The following NSD2 variants were observed in gnomAD, a reference collection of about 807,000 sequenced individuals.
NSD2 encodes the protein histone-lysine N-methyltransferase NSD2.
In NSD2, 12 loss-of-function variants were observed where a neutral mutation model predicts 139.0. That is an observed-to-expected ratio of 0.09 (90% confidence interval 0.06 to 0.14). NSD2 has a LOEUF of 0.14. NSD2 is among the 10% of genes least tolerant of loss of function. The probability of loss-of-function intolerance (pLI) is 1.00; values close to 1 mark genes in which losing one functional copy is unlikely to be tolerated. For synonymous variants in NSD2, 669 were observed against 648.7 expected (o/e 1.03, Z -0.48); for missense variants, 1,155 against 1,745.0 (o/e 0.66, Z 6.02).
At chr4:1,966,076 A>G (rs1725855759) in intron 18 of NSD2, among the ~76,000 whole-genome samples, 1 of 152,216 alleles carries the variant, frequency 6.6e-6, no homozygotes, top group South Asian at 2.1e-4. Flanking sequence ...AATGTTAACC[A>G]AGACTTGTAT....
At position 1,981,003 on chromosome 4, in the gene NSD2, C is replaced by T. The variant is rs141972110; in HGVS notation, c.*2094C>T. On this transcript the variant is annotated 3_prime_UTR_variant, in exon 22 of 22. Coordinates refer to ENST00000508803, the MANE Select transcript of NSD2 (RefSeq NM_001042424.3). ...TGTCACTTGCCCAAAAGATCCCTTCCGGCAGGTAAGGGACTACCAATGCTT... is the reference window on the plus strand; with the variant it reads ...TGTCACTTGCCCAAAAGATCCCTTCTGGCAGGTAAGGGACTACCAATGCTT... 323 of 233,252 alleles carry T rather than the reference C, an allele frequency of 1.4e-3. 1 individual carries two copies. Among genetic ancestry groups the T allele is most frequent in the African/African-American group, 6.6e-3 (300 of 45,464 alleles). 14.4% of individuals were successfully genotyped at this position (233,252 alleles called of 1,614,324 possible).
chr4:1,976,416 C>A lies in NSD2; in HGVS notation c.3622-59C>A. On this transcript the variant is annotated intron_variant, in intron 20 of 21. Transcript: ENST00000508803. This position sits in a 1 kb window ranked among gnomAD's most constrained non-coding sequence, Gnocchi z 5.3. Reference sequence around the variant, plus strand: ...CTGGAGTGTAGCTCGCTCTTCTGCCCTATTTGCTTCAGCCTGTGTAATTCT... The same window carrying A: ...CTGGAGTGTAGCTCGCTCTTCTGCCATATTTGCTTCAGCCTGTGTAATTCT... The A allele has an allele frequency of 6.4e-7, 1 of 1,564,202 alleles. No homozygotes were observed. The highest frequency in any genetic ancestry group is 2.3e-5 in the East Asian group (1 of 43,652).
chr4:1,954,721 T>C (rs1724623976), intron 12 of NSD2: 1 of 156,152 alleles, frequency 6.4e-6, no homozygotes, highest in Non-Finnish European at 1.4e-5. Flanking sequence ...TACATTTGGA[T>C]TTTCTAATGT....
At chr4:1,926,940 C>A (rs1720984808) in intron 5 of NSD2, among the ~76,000 whole-genome samples, 1 of 152,196 alleles carries the variant, frequency 6.6e-6, no homozygotes, top group Admixed American at 6.5e-5. Flanking sequence ...CAACAACATG[C>A]ATTTACTGTC....
chr4:1,900,700 G>C lies in NSD2; in HGVS notation c.46G>C (p.Val16Leu). ...KQSPLSVQSV[V>L]KCIKMKQAPE... is the part of the protein sequence containing the mutation. ...GAGTCCCCTTTCTGTTCAGAGTGTT[G>C]TAAAGTGCATAAAGATGAAGCAGGC... Residue 16 changes from valine to leucine, a missense_variant, in exon 2 of 22, where the codon GTA becomes CTA. By Grantham distance (32) the Val-to-Leu change is conservative (BLOSUM62 1). Around this residue, in one of 8 missense-constraint regions of NSD2, gnomAD observed 246 missense variants for 262.8 expected, o/e 0.94. Coordinates refer to ENST00000508803, the MANE Select transcript of NSD2 (RefSeq NM_001042424.3). 6.2e-7 allele frequency: 1 copy of C among 1,612,620 alleles called. No homozygotes were observed. The highest frequency in any genetic ancestry group is 8.5e-7 in the Non-Finnish European group (1 of 1,179,182).
At chr4:1,901,787 G>A (rs1717209215) in intron 2 of NSD2, among the ~76,000 whole-genome samples, 1 of 152,218 alleles carries the variant, frequency 6.6e-6, no homozygotes, top group African/African-American at 2.4e-5. Flanking sequence ...TCCAGCAGAT[G>A]GCCTGCCTCC....
chr4:1,883,082 T>C (rs1714821334), intron 1 of NSD2, among the ~76,000 whole-genome samples: 1 of 152,062 alleles, frequency 6.6e-6, no homozygotes, highest in African/African-American at 2.4e-5. Flanking sequence ...TTGTGTTGTT[T>C]GGGATAAGGA....
intron 1 of NSD2, among the ~76,000 whole-genome samples, chr4:1,898,397 G>A (rs1716660273): frequency 6.6e-6 from 1 of 152,198 alleles, no homozygotes; most frequent in African/African-American, 2.4e-5. Flanking sequence ...AGGTGCGGTG[G>A]CTCACGCCTG....
chr4:1,946,768 C>G, intron 9 of NSD2: 1 of 1,049,424 alleles, frequency 9.5e-7, no homozygotes, highest in Non-Finnish European at 1.2e-6. Context: ...TCATCTGATT[C>G]CTATACTGGA....
chr4:1,907,950 G>A (rs749169262), intron 3 of NSD2, among the ~76,000 whole-genome samples: 1 of 152,082 alleles, frequency 6.6e-6, no homozygotes, highest in Non-Finnish European at 1.5e-5. Context: ...TCGTGGCACT[G>A]TTACCCCCAA....
At chr4:1,961,274 C>G in intron 18 of NSD2, 123 bp downstream of exon 18, 1 of 750,370 alleles carries the variant, frequency 1.3e-6, no homozygotes, top group Non-Finnish European at 2.2e-6. Flanking sequence ...TGCTTATTTT[C>G]AAACATCTGC....
At position 1,953,489 on chromosome 4, in the gene NSD2, A is replaced by G. The variant is rs959360615; in HGVS notation, c.2303A>G (p.His768Arg). 1 of 1,613,608 alleles carries G rather than the reference A, an allele frequency of 6.2e-7. No individual in the cohort carries two copies. Among genetic ancestry groups the G allele is most frequent in the Non-Finnish European group, 8.5e-7 (1 of 1,179,908 alleles). The change falls in exon 12 of 22, where the codon CAT (histidine) becomes CGT (arginine). Residue 768 changes from histidine to arginine, a missense_variant. Physicochemically the swap from His to Arg is conservative, Grantham distance 29. Transcript: ENST00000508803. ...CCCCTCCACAGCTGTGTGAGCTGCC[A>G]TGCTTCCAACCCTTCAAACCCAAGG... ...RCPLHSCVSCHASNPSNPRPS... is the reference protein window; with the variant it reads ...RCPLHSCVSCRASNPSNPRPS...
intron 3 of NSD2, among the ~76,000 whole-genome samples, chr4:1,904,717 T>C (rs1048770992): frequency 6.6e-6 from 1 of 152,244 alleles, no homozygotes; most frequent in Non-Finnish European, 1.5e-5. Flanking sequence ...GTTGTAAAAA[T>C]GTCCAAGTGA....
chr4:1,974,777 C>A lies in NSD2; in HGVS notation c.3373-86C>A. The A allele has an allele frequency of 3.8e-6, 6 of 1,580,084 alleles. No homozygotes were observed. Among genetic ancestry groups the A allele is most frequent in the South Asian group, 1.1e-5 (1 of 89,824 alleles). On this transcript the variant is annotated intron_variant, in intron 18 of 21. Transcript: ENST00000508803. The surrounding 1 kb of genome is among the most constrained non-coding windows in gnomAD (Gnocchi z 4.0). ...AGTACAACAAGGAACACAACTTGTT[C>A]AATGTGCTTTATGATGGTGAAAATT...
intron 9 of NSD2, chr4:1,940,380 A>G: frequency 1.9e-6 from 2 of 1,064,112 alleles, no homozygotes; most frequent in Non-Finnish European, 2.3e-6. Flanking sequence ...AGTACATGAT[A>G]GCAAAATAAA....
At chr4:1,944,485 T>G in intron 9 of NSD2, 10 of 1,065,644 alleles carry the variant, frequency 9.4e-6, no homozygotes, top group Non-Finnish European at 1.0e-5. Flanking sequence ...TTAGTCCCAT[T>G]TGACTCACTT....
intron 5 of NSD2, among the ~76,000 whole-genome samples, chr4:1,922,751 C>T (rs1720327518): frequency 2.0e-5 from 3 of 152,080 alleles, no homozygotes; most frequent in Admixed American, 2.0e-4. Context: ...CATGATGAAA[C>T]CTTATCTCTA....
chr4:1,940,776 G>T, intron 9 of NSD2: 1 of 1,060,176 alleles, frequency 9.4e-7, no homozygotes, highest in Non-Finnish European at 1.1e-6. Context: ...CCCCAGGAAG[G>T]ATGGGGTGTG....
At chr4:1,943,753 A>G (rs1214346388) in intron 9 of NSD2, 1 of 1,058,544 alleles carries the variant, frequency 9.4e-7, no homozygotes, top group Non-Finnish European at 1.1e-6. Flanking sequence ...AAATTTAAAG[A>G]TGGGGAAAAA....
Sources: allele counts gnomAD v4.1 joint callset (sites outside exome capture counted in the v4.1 genomes callset), GRCh38; gene constraint gnomAD v4.1.1; regional missense constraint gnomAD v4.1.1; non-coding constraint Gnocchi (gnomAD v3.1); transcripts MANE v1.5; gene names NCBI Gene and HGNC (gene_info 2026-07-23, HGNC 2026-07-21).